SPEG: variants seen among roughly 807,000 people sequenced by gnomAD.
SPEG encodes striated muscle preferentially expressed protein kinase.
In SPEG, 114 loss-of-function variants were observed where a neutral mutation model predicts 300.4. The ratio of observed to expected loss-of-function variants is 0.38; its 90% confidence interval spans 0.33 to 0.44. SPEG has a LOEUF of 0.44. SPEG is among the 20% of genes least tolerant of loss of function. The probability of loss-of-function intolerance (pLI) is 1.00; values close to 1 mark genes in which losing one functional copy is unlikely to be tolerated. For missense variants in SPEG, 4,201 were observed against 4,586.2 expected, an observed-to-expected ratio of 0.92 and a Z score of 2.43; for synonymous variants, 1,964 against 2,018.9, an observed-to-expected ratio of 0.97 and a Z score of 0.73.
At chr2:219,472,405 G>A in intron 15 of SPEG, 74 bp downstream of exon 15, 2 of 1,338,604 alleles carry the variant, frequency 1.5e-6, no homozygotes, top group Admixed American at 1.8e-5. Context: ...GACACCATGG[G>A]GGCCAGGCCC....
chr2:219,460,365 C>T (rs984092346), intron 6 of SPEG: 124 of 985,318 alleles, frequency 1.3e-4, no homozygotes, highest in Non-Finnish European at 1.3e-4. Context: ...GCGCATTCCC[C>T]GGTCAGGGAT....
At chr2:219,491,540 C>T (rs1177874415) in intron 38 of SPEG, among the ~76,000 whole-genome samples, 1 of 152,188 alleles carries the variant, frequency 6.6e-6, no homozygotes, top group Non-Finnish European at 1.5e-5. Flanking sequence ...TGTCACCCTG[C>T]TTCTCAGCCC....
At chr2:219,475,051 C>T (rs535465623) in intron 18 of SPEG, among the ~76,000 whole-genome samples, 1 of 152,198 alleles carries the variant, frequency 6.6e-6, no homozygotes, top group African/African-American at 2.4e-5. Context: ...TCCCAAAGTG[C>T]TGAGATTATA....
chr2:219,449,644 C>T (rs190088098), intron 4 of SPEG, among the ~76,000 whole-genome samples: 13 of 152,092 alleles, frequency 8.5e-5, no homozygotes, highest in Non-Finnish European at 1.3e-4. Flanking sequence ...ACCTAAGGAC[C>T]CCCCTCCATA....
intron 38 of SPEG, 109 bp downstream of exon 38, chr2:219,491,065 T>C (rs1301416089): frequency 3.8e-5 from 30 of 794,276 alleles, no homozygotes; most frequent in Non-Finnish European, 4.7e-5. Flanking sequence ...GAGTGATTAC[T>C]GTATTCAAGC....
chr2:219,492,270 C>A lies in SPEG; in HGVS notation c.9611+10C>A. 1 of 1,607,832 alleles carries A rather than the reference C, an allele frequency of 6.2e-7. No individual in the cohort carries two copies. Among genetic ancestry groups the A allele is most frequent in the Non-Finnish European group, 8.5e-7 (1 of 1,175,652 alleles). On this transcript the variant is annotated intron_variant, in intron 40 of 40. Coordinates refer to ENST00000312358, the MANE Select transcript of SPEG (RefSeq NM_005876.5). ...TCTCTGTACATCCCTGGTGAGTGAG[C>A]CCCACACCTGCTATCCCCCAGTGTT...
intron 6 of SPEG, among the ~76,000 whole-genome samples, chr2:219,453,437 G>A (rs1301442837): frequency 2.0e-5 from 3 of 152,322 alleles, no homozygotes; most frequent in Middle Eastern, 3.4e-3. Context: ...CGTTATTAAC[G>A]GGTGCTGTTG....
rs377285168 is a variant in SPEG, at chr2:219,473,487, C to T, written c.4148-17C>T. ...GATGTCAAGCCCAGCACAGAGCCTG[C>T]GCTCTCCTCCTCCCAGGCCCAACCC... is the stretch of plus-strand genomic sequence containing the variant. On this transcript the variant is annotated splice_polypyrimidine_tract_variant and intron_variant, in intron 16 of 40. Coordinates refer to ENST00000312358, the MANE Select transcript of SPEG (RefSeq NM_005876.5). The surrounding 1 kb of genome is among the most constrained non-coding windows in gnomAD (Gnocchi z 4.6). 106 of 1,612,626 alleles carry T rather than the reference C, an allele frequency of 6.6e-5. No individual in the cohort carries two copies. The African/African-American group carries it at 7.2e-4, about 11-fold the overall frequency.
chr2:219,484,965 T>C lies in SPEG; in HGVS notation c.7502T>C (p.Leu2501Pro). Residue 2501 changes from leucine to proline, a missense_variant, in exon 30 of 41, where the codon CTG becomes CCG. This residue lies in a region of SPEG where 1,578 missense variants were observed against 1,506.0 expected (regional missense o/e 1.05). Coordinates refer to ENST00000312358, the MANE Select transcript of SPEG (RefSeq NM_005876.5). ...LRRATSEGES[L>P]RRLGLPHNQL... is the part of the protein sequence containing the mutation. Reference sequence around the variant, plus strand: ...AGGGCCACGTCCGAGGGCGAGAGTCTGCGGCGCCTTGGCCTTCCGCACAAC... The same window carrying C: ...AGGGCCACGTCCGAGGGCGAGAGTCCGCGGCGCCTTGGCCTTCCGCACAAC... 2.0e-6 allele frequency: 3 copies of C among 1,529,634 alleles called. No homozygotes were observed. In the South Asian group the frequency reaches 3.6e-5, roughly 18 times the overall value. 94.8% of individuals were successfully genotyped at this position (1,529,634 alleles called of 1,614,324 possible).
chr2:219,465,926 C>T lies in SPEG; in HGVS notation c.2882-1248C>T, dbSNP rs767309176. ...GTGTGTGCATGCGTGTGTGTGTGCGCGCGTGTGCGTGCACGTGTGCGTGCA... is the reference window on the plus strand; with the variant it reads ...GTGTGTGCATGCGTGTGTGTGTGCGTGCGTGTGCGTGCACGTGTGCGTGCA... On this transcript the variant is annotated intron_variant, in intron 9 of 40. Coordinates refer to ENST00000312358, the MANE Select transcript of SPEG (RefSeq NM_005876.5). 116 of 217,112 alleles carry T rather than the reference C, an allele frequency of 5.3e-4. 1 individual carries two copies. Among genetic ancestry groups the T allele is most frequent in the Middle Eastern group, 2.7e-3 (3 of 1,098 alleles). The allele number at this position is 217,112 out of a possible 1,614,324, so 13.4% of individuals were successfully genotyped here.
At position 219,479,299 on chromosome 2, in the gene SPEG, C is replaced by G; in HGVS notation, c.5085+98C>G. ...TGGGTCCTGAGTGTGCCATCTGTGC[C>G]CACAGGAAGCCAGGGGTGGAGGTGG... On this transcript the variant is annotated intron_variant, in intron 23 of 40. Coordinates refer to ENST00000312358, the MANE Select transcript of SPEG (RefSeq NM_005876.5). The surrounding 1 kb of genome is among the most constrained non-coding windows in gnomAD (Gnocchi z 5.5). 2 of 1,020,554 alleles carry G rather than the reference C, an allele frequency of 2.0e-6. No homozygotes were observed. The highest frequency in any genetic ancestry group is 3.0e-6 in the Non-Finnish European group (2 of 668,158). 63.2% of individuals were successfully genotyped at this position (1,020,554 alleles called of 1,614,324 possible).
At chr2:219,435,495 C>T (rs974319382) in intron 1 of SPEG, 130 bp downstream of exon 1, 2 of 1,047,530 alleles carry the variant, frequency 1.9e-6, no homozygotes, top group African/African-American at 3.4e-5. Flanking sequence ...CCTGGCTTCT[C>T]GGCTGCCCGG....
At chr2:219,485,279 G>A in intron 30 of SPEG, 67 bp from the exon 31 acceptor site, 1 of 1,553,538 alleles carries the variant, frequency 6.4e-7, no homozygotes, top group African/African-American at 1.4e-5. Flanking sequence ...CTGGGCTGAG[G>A]GCTGCAGAGA....
At chr2:219,447,938 CT>C in intron 3 of SPEG, 35 bp from the exon 4 acceptor site, 1 of 1,597,316 alleles carries the variant, frequency 6.3e-7, no homozygotes, top group Non-Finnish European at 8.6e-7. Context: ...AGGAGGCCCC[CT>C]GAATCCTCTA....
In SPEG at chr2:219,435,097, C is replaced by T. The variant is rs757520707; in HGVS notation, c.120C>T (p.Ala40=). Residue 40 remains alanine, a synonymous_variant, in exon 1 of 41, where the codon GCC becomes GCT. Coordinates refer to ENST00000312358, the MANE Select transcript of SPEG (RefSeq NM_005876.5). ...GAGGGAPVAV[A]GAPVFLRPLK... ...GCGGCGGGGCTCCTGTGGCCGTGGC[C>T]GGGGCGCCAGTCTTCCTGCGGCCCC... 6.2e-6 allele frequency: 9 copies of T among 1,459,240 alleles called. No individual in the cohort carries two copies. In the South Asian group the frequency reaches 1.1e-4, roughly 18 times the overall value. 90.4% of individuals were successfully genotyped at this position (1,459,240 alleles called of 1,614,324 possible).
chr2:219,465,989 GTGCGCGTGCGTGCGCGTATGC>G, intron 9 of SPEG: 1 of 1,356,060 alleles, frequency 7.4e-7, no homozygotes, highest in Non-Finnish European at 1.0e-6. Flanking sequence ...ATGTGTGTGT[GTGCGCGTGCGTGCGCGTATGC>G]TGCACTAACC....
intron 6 of SPEG, among the ~76,000 whole-genome samples, chr2:219,456,108 G>A (rs1690158643): frequency 6.6e-6 from 1 of 152,258 alleles, no homozygotes; most frequent in Admixed American, 6.5e-5. Context: ...CTGTGAGGAG[G>A]GCAAGTTGGA....
chr2:219,468,834 G>A (rs749922168), intron 11 of SPEG, 25 bp from the exon 12 acceptor site: 1 of 1,608,798 alleles, frequency 6.2e-7, no homozygotes, highest in Non-Finnish European at 8.5e-7. Context: ...TGCCTGCTCT[G>A]CATTCCCACC....
Position 219,449,231 on chromosome 2 carries a change from G to A in SPEG, c.2073G>A (p.Gln691=). Residue 691 remains glutamine (Q), a synonymous_variant, in exon 4 of 41, where the codon CAG becomes CAA. Transcript: ENST00000312358. ...GPWDRRGARS[Q]GKGRRARPTS... ...GGGACCGCCGAGGGGCCCGCAGCCA[G>A]GGCAAAGGTCGCCGGGCCCGGCCCA... is the stretch of plus-strand genomic sequence containing the variant. 1 of 1,392,846 alleles carries A rather than the reference G, an allele frequency of 7.2e-7. No individual in the cohort carries two copies. Among genetic ancestry groups the A allele is most frequent in the South Asian group, 1.7e-5 (1 of 60,566 alleles). The allele number at this position is 1,392,846 out of a possible 1,614,324, so 86.3% of individuals were successfully genotyped here.
Sources: gnomAD v4.1 joint callset for allele counts (sites outside exome capture counted in the v4.1 genomes callset) on GRCh38, gnomAD v4.1.1 for gene constraint, gnomAD v4.1.1 regional missense constraint, Gnocchi (gnomAD v3.1) non-coding constraint, MANE v1.5 for transcripts, NCBI Gene and HGNC (gene_info 2026-07-23, HGNC 2026-07-21) for gene names.